The following RILPL1 variants were observed in gnomAD, a reference collection of about 807,000 sequenced individuals.
RILPL1 encodes the protein RILP-like protein 1.
Under a neutral mutation model 50.3 loss-of-function variants are expected in RILPL1, and 33 were observed. The ratio of observed to expected loss-of-function variants is 0.66; its 90% CI spans 0.50 to 0.88. RILPL1 has a LOEUF of 0.88. Among genes scored for constraint, RILPL1 ranks in the 40% least tolerant of loss-of-function variants. The pLI, the probability that RILPL1 is intolerant of heterozygous loss-of-function variation, is 0.00. For missense variants in RILPL1, 418 were observed against 542.5 expected, an observed-to-expected ratio of 0.77 and a Z score of 2.28; for synonymous variants, 205 against 228.6, an observed-to-expected ratio of 0.90 and a Z score of 0.93.
chr12:123,486,258 G>A (rs1432698382), intron 4 of RILPL1, among the ~76,000 whole-genome samples: 2 of 152,142 alleles, frequency 1.3e-5, no homozygotes, highest in Non-Finnish European at 2.9e-5. Context: ...TTGACAGTAA[G>A]TCATATCCAT....
chr12:123,472,804 GAAA>G (rs1881286754), intron 6 of RILPL1, 122 bp from the exon 7 acceptor site: 1 of 1,072,324 alleles, frequency 9.3e-7, no homozygotes, highest in Non-Finnish European at 1.3e-6. Context: ...TTCAAGGTGT[GAAA>G]GACAAAGTTG....
intron 2 of RILPL1, among the ~76,000 whole-genome samples, chr12:123,505,386 T>C (rs1883678110): frequency 6.6e-6 from 1 of 152,138 alleles, no homozygotes; most frequent in African/African-American, 2.4e-5. Context: ...TGCAGTAGCA[T>C]GATCACAGCT....
At chr12:123,515,995 C>T (rs1229110095) in intron 2 of RILPL1, among the ~76,000 whole-genome samples, 2 of 137,226 alleles carry the variant, frequency 1.5e-5, no homozygotes, top group African/African-American at 5.5e-5. Flanking sequence ...GATTGCAGCA[C>T]TTCACTCCAG....
At chr12:123,532,707 G>GGGC (rs1555270624) in intron 1 of RILPL1, among the ~76,000 whole-genome samples, 2 of 121,930 alleles carry the variant, frequency 1.6e-5, no homozygotes, top group East Asian at 2.4e-4. Flanking sequence ...GGAGACTGGG[G>GGGC]GGGGGGGGGA....
At chr12:123,523,194 C>T (rs1324320129) in intron 2 of RILPL1, among the ~76,000 whole-genome samples, 1 of 152,084 alleles carries the variant, frequency 6.6e-6, no homozygotes. Context: ...CACAAGCTTC[C>T]CAAGGGCAGG....
rs373514624 is a variant in RILPL1 at position 123,503,186 on chromosome 12, C to CTTTT, written c.461-3654_461-3651dup. Among the ~76,000 whole-genome samples the CTTTT allele has an allele frequency of 2.3e-3, 182 of 80,724 alleles. 23 individuals are homozygous for CTTTT. Among genetic ancestry groups the CTTTT allele is most frequent in the African/African-American group, 4.7e-3 (85 of 17,958 alleles). 53.0% of individuals were successfully genotyped at this position (80,724 alleles called of 152,430 possible). A position where few individuals can be genotyped will look rare whatever the true frequency, so the allele number is the denominator to read the frequency against. ...ACAGGCGTGAACCACCACGCCTGGC[C>CTTTT]TTTTTTTTTTTTTTTTTTTTTTTTT... On this transcript the variant is annotated intron_variant, in intron 2 of 6. Transcript: ENST00000376874.
At chr12:123,501,759 CAAA>C (rs71088919) in intron 2 of RILPL1, among the ~76,000 whole-genome samples, 35 of 110,740 alleles carry the variant, frequency 3.2e-4, no homozygotes, top group Non-Finnish European at 4.5e-4. Flanking sequence ...GACTCTGTCT[CAAA>C]AAAAAAAAAA....
chr12:123,504,205 G>C (rs1175157112), intron 2 of RILPL1, among the ~76,000 whole-genome samples: 1 of 152,104 alleles, frequency 6.6e-6, no homozygotes, highest in Non-Finnish European at 1.5e-5. Context: ...TCAATCCGAG[G>C]TGAACAAGGG....
chr12:123,514,749 C>T (rs13303244), intron 2 of RILPL1, among the ~76,000 whole-genome samples: 1 of 151,972 alleles, frequency 6.6e-6, no homozygotes, highest in Non-Finnish European at 1.5e-5. Flanking sequence ...TTAAATGATA[C>T]ACTACATGCT....
chr12:123,498,460 G>T lies in RILPL1; in HGVS notation c.801+84C>A. On this transcript the variant is annotated intron_variant, in intron 4 of 6. Coordinates refer to ENST00000376874, the MANE Select transcript of RILPL1 (RefSeq NM_178314.5). The surrounding 1 kb of genome is among the most constrained non-coding windows in gnomAD (Gnocchi z 4.3). Reference sequence around the variant, plus strand: ...TTGGCCATTTTCTGAAGTATAATGGGGAAAACAAGGCAACCCTGCCTGCCT... The same window carrying T: ...TTGGCCATTTTCTGAAGTATAATGGTGAAAACAAGGCAACCCTGCCTGCCT... 1 of 1,253,482 alleles carries T rather than the reference G, an allele frequency of 8.0e-7. No homozygotes were observed. The allele number at this position is 1,253,482 out of a possible 1,614,324, so 77.6% of individuals were successfully genotyped here. A position where few individuals can be genotyped will look rare whatever the true frequency, so the allele number is the denominator to read the frequency against.
chr12:123,530,234 C>T (rs539089276), intron 1 of RILPL1, among the ~76,000 whole-genome samples: 16 of 152,192 alleles, frequency 1.1e-4, no homozygotes, highest in African/African-American at 3.9e-4. Flanking sequence ...GGTGTGATTT[C>T]GACTCGCTGC....
chr12:123,501,873 C>T (rs1486963837), intron 2 of RILPL1, among the ~76,000 whole-genome samples: 1 of 151,666 alleles, frequency 6.6e-6, no homozygotes, highest in Non-Finnish European at 1.5e-5. Flanking sequence ...GTCGGGAGCT[C>T]GAGACCAACC....
intron 1 of RILPL1, among the ~76,000 whole-genome samples, chr12:123,530,501 C>A (rs1052962306): frequency 1.3e-5 from 2 of 152,084 alleles, no homozygotes; most frequent in Non-Finnish European, 2.9e-5. Context: ...GGCAAAGCTG[C>A]ATAATATTTC....
intron 1 of RILPL1, among the ~76,000 whole-genome samples, chr12:123,529,384 C>T (rs1353020847): frequency 1.3e-5 from 2 of 152,146 alleles, no homozygotes; most frequent in Admixed American, 6.6e-5. Flanking sequence ...CTTCACCTCC[C>T]AGGTTCAAGC....
At chr12:123,529,283 C>A (rs1207633762) in intron 1 of RILPL1, among the ~76,000 whole-genome samples, 1 of 152,024 alleles carries the variant, frequency 6.6e-6, no homozygotes, top group African/African-American at 2.4e-5. Context: ...CTTTATGGCA[C>A]TTATTATAAG....
intron 6 of RILPL1, among the ~76,000 whole-genome samples, chr12:123,482,368 A>G (rs376355215): frequency 7.9e-5 from 12 of 152,158 alleles, no homozygotes; most frequent in African/African-American, 2.9e-4. Context: ...CCTGGGGCCA[A>G]ACTCCTAAGC....
At chr12:123,531,023 G>A (rs1470824202) in intron 1 of RILPL1, among the ~76,000 whole-genome samples, 1 of 151,960 alleles carries the variant, frequency 6.6e-6, no homozygotes, top group Non-Finnish European at 1.5e-5. Flanking sequence ...GAGGGGAAAG[G>A]GAAGAGGAAT....
chr12:123,532,797 G>T (rs1256809478), intron 1 of RILPL1, among the ~76,000 whole-genome samples: 1 of 149,772 alleles, frequency 6.7e-6, no homozygotes, highest in African/African-American at 2.4e-5. Flanking sequence ...GTCTGGAAGA[G>T]AATAATATGT....
At chr12:123,488,440 G>A (rs1202860297) in intron 4 of RILPL1, among the ~76,000 whole-genome samples, 10 of 133,562 alleles carry the variant, frequency 7.5e-5, no homozygotes, top group Admixed American at 5.2e-4. Context: ...GTGAGACCCT[G>A]TCTCAAAAAA....
Sources: allele counts gnomAD v4.1 joint callset (sites outside exome capture counted in the v4.1 genomes callset), GRCh38; gene constraint gnomAD v4.1.1; non-coding constraint Gnocchi (gnomAD v3.1); transcripts MANE v1.5; gene names NCBI Gene and HGNC (gene_info 2026-07-23, HGNC 2026-07-21).